SMTNL2: variants seen among roughly 807,000 people sequenced by gnomAD.
SMTNL2 encodes the protein smoothelin like 2, also known as smoothelin-like protein 2.
SMTNL2 carries 43 observed loss-of-function variants against 44.1 expected under a neutral mutation model. The observed-to-expected ratio is 0.98, with a 90% confidence interval of 0.76 to 1.26. SMTNL2 has a LOEUF of 1.26. Ranked by LOEUF, SMTNL2 falls within the 50% of genes most tolerant of loss-of-function variation. The pLI is 0.00. For missense variants in SMTNL2, 646 were observed against 670.2 expected, an observed-to-expected ratio of 0.96 and a Z score of 0.40; for synonymous variants, 317 against 287.6, an observed-to-expected ratio of 1.10 and a Z score of -1.03.
Position 4,597,235 on chromosome 17 carries a change from C to T in SMTNL2, c.1171C>T (p.His391Tyr), listed in dbSNP as rs754186715. ...SDGMAFCALV[H>Y]SFFPDAFDYN... Reference sequence around the variant, plus strand: ...CGGCATGGCCTTCTGCGCCCTGGTACACTCCTTCTTCCCCGATGCCTTTGA... The same window carrying T: ...CGGCATGGCCTTCTGCGCCCTGGTATACTCCTTCTTCCCCGATGCCTTTGA... The change falls in exon 7 of 8, where the codon CAC (histidine) becomes TAC (tyrosine). Residue 391 changes from histidine (H) to tyrosine (Y), a missense_variant. His to Tyr is a moderately conservative substitution (Grantham distance 83). Coordinates refer to ENST00000389313, the MANE Select transcript of SMTNL2 (RefSeq NM_001114974.2). 6.2e-6 allele frequency: 10 copies of T among 1,614,084 alleles called. No homozygotes were observed. In the African/African-American group the frequency reaches 1.2e-4, roughly 19 times the overall value.
chr17:4,584,533 G>A lies in SMTNL2; in HGVS notation c.-73G>A. On this transcript the variant is annotated 5_prime_UTR_variant, in exon 1 of 8. Transcript: ENST00000389313. ...CGAAGCCAGCCACGGACGGCCAGTC[G>A]CGGCCCGGAGCTGCGGAGCTCGGAT... is the stretch of plus-strand genomic sequence containing the variant. 1 of 1,208,492 alleles carries A rather than the reference G, an allele frequency of 8.3e-7. No homozygotes were observed. The highest frequency in any genetic ancestry group is 1.0e-6 in the Non-Finnish European group (1 of 972,592). The allele number at this position is 1,208,492 out of a possible 1,614,324, so 74.9% of individuals were successfully genotyped here.
chr17:4,592,888 G>A lies in SMTNL2; in HGVS notation c.488-41G>A, dbSNP rs1211990711. The A allele has an allele frequency of 6.3e-7, 1 of 1,582,036 alleles. No individual in the cohort carries two copies. Among genetic ancestry groups the A allele is most frequent in the Admixed American group, 1.7e-5 (1 of 58,778 alleles). Reference sequence around the variant, plus strand: ...TGGGAGGTCCCAGGCCCCTGTGGCTGCCACAGCTGACCACCCACCCATGCT... The same window carrying A: ...TGGGAGGTCCCAGGCCCCTGTGGCTACCACAGCTGACCACCCACCCATGCT... On this transcript the variant is annotated intron_variant, in intron 2 of 7. Coordinates refer to ENST00000389313, the MANE Select transcript of SMTNL2 (RefSeq NM_001114974.2). This position sits in a 1 kb window ranked among gnomAD's most constrained non-coding sequence, Gnocchi z 4.5.
upstream of SMTNL2, chr17:4,584,486 G>T (rs1004420520): frequency 1.8e-6 from 2 of 1,131,610 alleles, no homozygotes; most frequent in Non-Finnish European, 1.1e-6. Context: ...CCCCGCGCCC[G>T]CCTCCCCGGC....
rs777452291 is a variant in SMTNL2, at chr17:4,597,280, A to G, written c.1216A>G (p.Thr406Ala). 42 of 1,613,952 alleles carry G rather than the reference A, an allele frequency of 2.6e-5. No individual in the cohort carries two copies. The highest frequency in any genetic ancestry group is 3.4e-5 in the Non-Finnish European group (40 of 1,179,972). Residue 406 changes from threonine to alanine, a missense_variant, in exon 7 of 8, where the codon ACG (threonine) becomes GCG (alanine). Coordinates refer to ENST00000389313, the MANE Select transcript of SMTNL2 (RefSeq NM_001114974.2). The stretch of plus-strand genomic sequence containing the variant: ...CTTTGACTACAACTCCCTGAGCCCC[A>G]CGCAGAGGCAGAAGAACTTCGAGCT... ...DAFDYNSLSP[T>A]QRQKNFELAF...
chr17:4,603,707 G>A (rs1028401639), intron 7 of SMTNL2, among the ~76,000 whole-genome samples: 2 of 152,154 alleles, frequency 1.3e-5, no homozygotes, highest in South Asian at 4.1e-4. Context: ...ACACACCTGG[G>A]ATCCTCCAAA....
chr17:4,605,802 G>A (rs867016746), intron 7 of SMTNL2, among the ~76,000 whole-genome samples: 1 of 151,334 alleles, frequency 6.6e-6, no homozygotes, highest in African/African-American at 2.5e-5. Flanking sequence ...ATGTCAGGCC[G>A]GCTCCATCTG....
chr17:4,593,152 C>G lies in SMTNL2; in HGVS notation c.711C>G (p.Pro237=), dbSNP rs373732786. The change falls in exon 3 of 8, where the codon CCC becomes CCG. Residue 237 remains proline (P), a synonymous_variant. Transcript: ENST00000389313. ...LNPSPSEVIT[P]WTPSPSEKNS... is the part of the protein sequence containing the mutation. ...CAAGCCCCAGCGAGGTCATCACGCC[C>G]TGGACTCCCAGTCCTAGCGGTATGA... The G allele has an allele frequency of 2.2e-5, 36 of 1,607,548 alleles. No individual in the cohort carries two copies. Among genetic ancestry groups the G allele is most frequent in the Non-Finnish European group, 1.4e-5 (17 of 1,175,518 alleles).
intron 5 of SMTNL2, 47 bp from the exon 6 acceptor site, chr17:4,596,813 A>C: frequency 3.6e-6 from 5 of 1,400,022 alleles, no homozygotes; most frequent in Non-Finnish European, 4.7e-6. Context: ...GCACTGGGAG[A>C]TGGCAGCTGG....
chr17:4,585,079 T>C (rs1909294585), intron 1 of SMTNL2, 75 bp downstream of exon 1: 2 of 1,258,002 alleles, frequency 1.6e-6, no homozygotes, highest in South Asian at 4.9e-5. Context: ...TCGCCCCGAC[T>C]GCCTGCCTCT....
chr17:4,597,925 G>A (rs1057405487), intron 7 of SMTNL2, among the ~76,000 whole-genome samples: 3 of 152,186 alleles, frequency 2.0e-5, no homozygotes, highest in African/African-American at 7.2e-5. Flanking sequence ...TTGGCCGAGG[G>A]CCTCAGGAGA....
At chr17:4,586,066 C>T (rs1275681210) in intron 1 of SMTNL2, among the ~76,000 whole-genome samples, 1 of 152,078 alleles carries the variant, frequency 6.6e-6, no homozygotes, top group Non-Finnish European at 1.5e-5. Context: ...GCTACTGGTG[C>T]AGATGAGGGT....
In SMTNL2 at chr17:4,595,323, G is replaced by A. The variant is rs200662336; in HGVS notation, c.985G>A (p.Gly329Ser). 8.9e-5 allele frequency: 144 copies of A among 1,611,870 alleles called. No individual in the cohort carries two copies. The African/African-American group carries it at 1.2e-3, about 14-fold the overall frequency. The change falls in exon 5 of 8, where the codon GGC becomes AGC. Residue 329 changes from glycine (G) to serine (S), a missense_variant. Gly to Ser is a moderately conservative substitution (Grantham distance 56). Transcript: ENST00000389313. This position sits in a 1 kb window ranked among gnomAD's most constrained non-coding sequence, Gnocchi z 5.1. ...FEKWEQETAA[G>S]KGKGEARARL... ...GAAGTGGGAGCAGGAAACGGCGGCC[G>A]GCAAGTACGGATGCCCACTCACAGA...
Position 4,595,925 on chromosome 17 carries a change from T to C in SMTNL2, c.989+598T>C, listed in dbSNP as rs577508606. On this transcript the variant is annotated intron_variant, in intron 5 of 7. Coordinates refer to ENST00000389313, the MANE Select transcript of SMTNL2 (RefSeq NM_001114974.2). This position sits in a 1 kb window ranked among gnomAD's most constrained non-coding sequence, Gnocchi z 5.1. ...GTGTGGCCCAAGCGTGGTATTGATG[T>C]CTGCTGTGTGCAGGGTGTGGCCCAA... 4.5e-3 allele frequency among the ~76,000 whole-genome samples: 635 copies of C among 140,918 alleles called. 3 individuals carry two copies. Among genetic ancestry groups the C allele is most frequent in the African/African-American group, 0.014 (531 of 37,766 alleles). The allele number at this position is 140,918 out of a possible 152,430, so 92.4% of individuals were successfully genotyped here. A position where few individuals can be genotyped will look rare whatever the true frequency, so the allele number is the denominator to read the frequency against.
intron 7 of SMTNL2, among the ~76,000 whole-genome samples, chr17:4,597,670 T>G (rs1221267141): frequency 6.6e-6 from 1 of 152,198 alleles, no homozygotes; most frequent in Non-Finnish European, 1.5e-5. Flanking sequence ...GAATCTGTCC[T>G]CTCTGGACTG....
intron 7 of SMTNL2, 32 bp downstream of exon 7, chr17:4,597,355 C>T (rs1597414902): frequency 6.2e-7 from 1 of 1,608,044 alleles, no homozygotes; most frequent in Non-Finnish European, 8.5e-7. Context: ...GGCTACCAGC[C>T]CCAGCCCAGT....
At chr17:4,594,060 AG>A (rs1413198097) in intron 4 of SMTNL2, among the ~76,000 whole-genome samples, 163 bp downstream of exon 4, 1 of 151,362 alleles carries the variant, frequency 6.6e-6, no homozygotes, top group Non-Finnish European at 1.5e-5. Flanking sequence ...AGGTCTGAGC[AG>A]GGGGAGTGAG....
At position 4,596,688 on chromosome 17, in the gene SMTNL2, G is replaced by A. The variant is rs910315214; in HGVS notation, c.990-172G>A. 7.2e-5 allele frequency among the ~76,000 whole-genome samples: 11 copies of A among 152,154 alleles called. 1 individual carries two copies. Among genetic ancestry groups the A allele is most frequent in the Admixed American group, 3.9e-4 (6 of 15,286 alleles). On this transcript the variant is annotated intron_variant, in intron 5 of 7. Transcript: ENST00000389313. ...GTGTCGCTGGTACATGGGCTGTGCC[G>A]TGGACGTGGGCACAGCTGAGCCCAC...
In SMTNL2 at chr17:4,584,892, C is replaced by T. The variant is rs1311321784; in HGVS notation, c.287C>T (p.Thr96Ile). The change falls in exon 1 of 8, where the codon ACT becomes ATT. Residue 96 changes from threonine to isoleucine, a missense_variant. Transcript: ENST00000389313. ...AGCGGGATGTCCCCGGTGCCCGGCA[C>T]TCCCGGCACGCCCAGCCCCCCGCCC... ...LASGMSPVPG[T>I]PGTPSPPPAP... 9 of 1,299,010 alleles carry T rather than the reference C, an allele frequency of 6.9e-6. No homozygotes were observed. Among genetic ancestry groups the T allele is most frequent in the Non-Finnish European group, 8.8e-6 (9 of 1,027,808 alleles). The allele number at this position is 1,299,010 out of a possible 1,614,324, so 80.5% of individuals were successfully genotyped here.
Position 4,593,821 on chromosome 17 carries a change from G to A in SMTNL2, c.731-1G>A. ...TACTTCTCTCCCTCTCTCTTCCACA[G>A]AGAAGAATTCCTCTTTCACGTGGTC... On this transcript the variant is annotated splice_acceptor_variant, in intron 3 of 7. Transcript: ENST00000389313. LOFTEE classifies it high-confidence loss of function. 6.2e-7 allele frequency: 1 copy of A among 1,613,716 alleles called. No individual in the cohort carries two copies. Among genetic ancestry groups the A allele is most frequent in the Non-Finnish European group, 8.5e-7 (1 of 1,179,978 alleles).
Sources: gnomAD v4.1 joint callset for allele counts (sites outside exome capture counted in the v4.1 genomes callset) on GRCh38, gnomAD v4.1.1 for gene constraint, Gnocchi (gnomAD v3.1) non-coding constraint, MANE v1.5 for transcripts, NCBI Gene and HGNC (gene_info 2026-07-23, HGNC 2026-07-21) for gene names.